The following COL21A1 variants were observed in gnomAD, a reference collection of about 807,000 sequenced individuals.
The protein encoded by COL21A1 is collagen type XXI alpha 1 chain.
In COL21A1, 149 loss-of-function variants were observed where a neutral mutation model predicts 137.9. The observed-to-expected ratio is 1.08, with a 90% CI of 0.95 to 1.24. The LOEUF is 1.24. Ranked by LOEUF, COL21A1 falls within the 50% of genes most tolerant of loss-of-function variation. The pLI, the probability that COL21A1 is intolerant of heterozygous loss-of-function variation, is 0.00. For missense variants in COL21A1, 1,167 were observed against 1,158.4 expected, an observed-to-expected ratio of 1.01 and a Z score of -0.11; for synonymous variants, 456 against 391.5, an observed-to-expected ratio of 1.16 and a Z score of -1.95.
intron 1 of COL21A1, among the ~76,000 whole-genome samples, chr6:56,271,235 G>T (rs1435564906): frequency 1.3e-5 from 2 of 152,154 alleles, no homozygotes; most frequent in Non-Finnish European, 2.9e-5. Flanking sequence ...TAGAGCAAAG[G>T]TCACTCTTGT....
chr6:56,125,506 T>C (rs1772976330), intron 14 of COL21A1, 61 bp downstream of exon 14: 1 of 1,222,348 alleles, frequency 8.2e-7, no homozygotes, highest in Non-Finnish European at 1.2e-6. Context: ...CAATTCTAGT[T>C]TTCTGTTTCC....
intron 16 of COL21A1, among the ~76,000 whole-genome samples, chr6:56,116,411 A>T (rs1254508280): frequency 6.6e-6 from 1 of 150,638 alleles, no homozygotes; most frequent in African/African-American, 2.4e-5. Context: ...AAAAAAAAAA[A>T]AAAAAAAAAA....
intron 1 of COL21A1, among the ~76,000 whole-genome samples, chr6:56,210,739 T>A (rs542627973): frequency 6.6e-6 from 1 of 152,288 alleles, no homozygotes; most frequent in South Asian, 2.1e-4. Context: ...TCTCTATAGC[T>A]ACCTAAATAA....
At position 56,325,933 on chromosome 6, in the gene COL21A1, A is replaced by G. The variant is rs1372350705; in HGVS notation, c.-39+68038T>C. 2.3e-4 allele frequency among the ~76,000 whole-genome samples: 5 copies of G among 21,740 alleles called. No individual in the cohort carries two copies. The South Asian group carries it at 4.1e-3, about 18-fold the overall frequency. 14.3% of individuals were successfully genotyped at this position (21,740 alleles called of 152,430 possible). A position where few individuals can be genotyped will look rare whatever the true frequency, so the allele number is the denominator to read the frequency against. On this transcript the variant is annotated intron_variant, in intron 1 of 28. Coordinates refer to the COL21A1 transcript ENST00000370819. ...TAATATATATTATATAATATATATAATATATATTATATATTATATAATATA... is the reference window on the plus strand; with the variant it reads ...TAATATATATTATATAATATATATAGTATATATTATATATTATATAATATA...
In COL21A1 at chr6:56,074,301, G is replaced by C. The variant is rs1767021696; in HGVS notation, c.1912-16C>G. Reference sequence around the variant, plus strand: ...CCATTAAACCCTACAATTTTAAAAAGGAATTTCAAGAGTAACTTAGAGAAG... The same window carrying C: ...CCATTAAACCCTACAATTTTAAAAACGAATTTCAAGAGTAACTTAGAGAAG... On this transcript the variant is annotated splice_polypyrimidine_tract_variant and intron_variant, in intron 19 of 29. Transcript: ENST00000244728. The C allele has an allele frequency of 1.3e-6, 2 of 1,533,472 alleles. No homozygotes were observed. The highest frequency in any genetic ancestry group is 1.4e-5 in the African/African-American group (1 of 71,094). The allele number at this position is 1,533,472 out of a possible 1,614,324, so 95.0% of individuals were successfully genotyped here.
chr6:56,295,981 A>G (rs974785594), intron 1 of COL21A1, among the ~76,000 whole-genome samples: 1 of 151,876 alleles, frequency 6.6e-6, no homozygotes, highest in African/African-American at 2.4e-5. Context: ...GAATAGGGGT[A>G]GTGAGAGGAG....
intron 1 of COL21A1, among the ~76,000 whole-genome samples, chr6:56,324,413 C>G (rs1165147328): frequency 6.6e-6 from 1 of 152,054 alleles, no homozygotes; most frequent in Admixed American, 6.6e-5. Context: ...TCCAGTTGCC[C>G]TTCTTTCTAT....
At chr6:56,228,057 T>TG (rs1781323525) in intron 1 of COL21A1, among the ~76,000 whole-genome samples, 1 of 150,158 alleles carries the variant, frequency 6.7e-6, no homozygotes, top group South Asian at 2.1e-4. Flanking sequence ...CCATGGAGAG[T>TG]GGGAAAGGGG....
intron 12 of COL21A1, among the ~76,000 whole-genome samples, chr6:56,138,286 T>A (rs1774150399): frequency 6.7e-6 from 1 of 150,018 alleles, no homozygotes; most frequent in Non-Finnish European, 1.5e-5. Flanking sequence ...AGTAATCATA[T>A]CAATAATTAT....
intron 22 of COL21A1, chr6:56,068,833 T>C: frequency 2.4e-6 from 1 of 424,936 alleles, no homozygotes. Flanking sequence ...TTTTCTAAGG[T>C]CTTCATCTAG....
rs1285540215 is a variant in COL21A1 at position 56,310,530 on chromosome 6, A to G, written c.-39+83441T>C. ...AAGTGGGGAGGTCTACAAAGTAAAA[A>G]TAAATTCACCACTCCTGATGTTGTA... On this transcript the variant is annotated intron_variant, in intron 1 of 28. Transcript: ENST00000370819. Among the ~76,000 whole-genome samples the G allele has an allele frequency of 2.0e-5, 3 of 152,328 alleles. No homozygotes were observed. In the South Asian group the frequency reaches 6.2e-4, roughly 32 times the overall value.
chr6:56,085,615 G>A (rs1054842955), intron 17 of COL21A1, among the ~76,000 whole-genome samples: 4 of 151,932 alleles, frequency 2.6e-5, no homozygotes, highest in African/African-American at 7.2e-5. Flanking sequence ...TCTTCCTACT[G>A]TGTTCATATT....
In COL21A1 at chr6:56,332,016, A is replaced by C. The variant is rs1765237599; in HGVS notation, c.-39+61955T>G. On this transcript the variant is annotated intron_variant, in intron 1 of 28. Coordinates refer to the COL21A1 transcript ENST00000370819. ...TATATAAAAAACACAAGTTTCATAC[A>C]TCACAAAAAACCTTCCATTATAACA... 7 of 152,264 alleles carry C rather than the reference A, an allele frequency of 4.6e-5. No individual in the cohort carries two copies. The South Asian group carries it at 1.4e-3, about 31-fold the overall frequency. 9.4% of individuals were successfully genotyped at this position (152,264 alleles called of 1,614,324 possible). A position where few individuals can be genotyped will look rare whatever the true frequency, so the allele number is the denominator to read the frequency against.
At chr6:56,123,402 C>T (rs1410394521) in intron 16 of COL21A1, among the ~76,000 whole-genome samples, 24 of 152,146 alleles carry the variant, frequency 1.6e-4, no homozygotes, top group Admixed American at 1.6e-3. Context: ...TTGGAAAACA[C>T]CTACAGACCA....
chr6:56,383,359 T>C (rs1256300294), intron 1 of COL21A1, among the ~76,000 whole-genome samples: 1 of 152,212 alleles, frequency 6.6e-6, no homozygotes, highest in Non-Finnish European at 1.5e-5. Flanking sequence ...ACTATCATAC[T>C]GGGATTAAGG....
intron 1 of COL21A1, among the ~76,000 whole-genome samples, chr6:56,258,866 A>G (rs1280925026): frequency 6.6e-6 from 1 of 152,212 alleles, no homozygotes; most frequent in African/African-American, 2.4e-5. Flanking sequence ...GTCCTATGAG[A>G]TATTTCAAGA....
chr6:56,202,838 G>A (rs1032606893), intron 1 of COL21A1, among the ~76,000 whole-genome samples: 46 of 152,188 alleles, frequency 3.0e-4, no homozygotes, highest in African/African-American at 1.1e-3. Context: ...AAATATTCAA[G>A]CAACAAAAGA....
At chr6:56,324,799 T>A (rs1202674823) in intron 1 of COL21A1, among the ~76,000 whole-genome samples, 1 of 151,904 alleles carries the variant, frequency 6.6e-6, no homozygotes, top group Non-Finnish European at 1.5e-5. Context: ...ATTTGAAAAA[T>A]AGCACGTGCA....
intron 1 of COL21A1, among the ~76,000 whole-genome samples, chr6:56,188,171 T>G (rs1035133102): frequency 1.3e-5 from 2 of 152,210 alleles, no homozygotes; most frequent in Admixed American, 1.3e-4. Context: ...GAAATTGGAA[T>G]TCATTCATTG....
Sources: gnomAD v4.1 joint callset for allele counts (sites outside exome capture counted in the v4.1 genomes callset) on GRCh38, gnomAD v4.1.1 for gene constraint, MANE v1.5 for transcripts, NCBI Gene and HGNC (gene_info 2026-07-23, HGNC 2026-07-21) for gene names.